The following LRP1B variants were observed in gnomAD, a reference collection of about 807,000 sequenced individuals.
LRP1B encodes low-density lipoprotein receptor-related protein 1B.
LRP1B carries 217 observed loss-of-function variants against 556.6 expected under a neutral mutation model. That is an observed-to-expected ratio of 0.39 (90% confidence interval 0.35 to 0.44). The LOEUF is 0.44. LRP1B is among the 20% of genes least tolerant of loss of function. The pLI, the probability that LRP1B is intolerant of heterozygous loss-of-function variation, is 1.00. For synonymous variants in LRP1B, 2,047 were observed against 1,865.8 expected (o/e 1.10, Z -2.50); for missense variants, 5,053 against 5,620.8 (o/e 0.90, Z 3.23).
At chr2:141,248,217 C>T (rs1440514617) in intron 4 of LRP1B, among the ~76,000 whole-genome samples, 1 of 152,138 alleles carries the variant, frequency 6.6e-6, no homozygotes, top group African/African-American at 2.4e-5. Flanking sequence ...AAAAGGCATC[C>T]TGTCAGTAGT....
chr2:140,665,783 A>T (rs1685245382), intron 41 of LRP1B, among the ~76,000 whole-genome samples: 1 of 152,150 alleles, frequency 6.6e-6, no homozygotes, highest in African/African-American at 2.4e-5. Flanking sequence ...CTAGATTTTC[A>T]TAAAGAGTTG....
chr2:140,654,255 T>C (rs1559034315), intron 41 of LRP1B, among the ~76,000 whole-genome samples: 1 of 152,236 alleles, frequency 6.6e-6, no homozygotes, highest in East Asian at 1.9e-4. Flanking sequence ...TGAATCTGGA[T>C]TACTGTTATA....
intron 17 of LRP1B, 47 bp from the exon 18 acceptor site, chr2:140,982,323 G>T: frequency 8.9e-7 from 1 of 1,129,066 alleles, no homozygotes; most frequent in South Asian, 1.2e-5. Context: ...GAGGCATTTT[G>T]AACATCAAGG....
chr2:141,588,893 A>G (rs946127877), intron 2 of LRP1B, among the ~76,000 whole-genome samples: 3 of 152,192 alleles, frequency 2.0e-5, no homozygotes, highest in Non-Finnish European at 4.4e-5. Context: ...AACAGGGGTC[A>G]AGACAAAAAA....
chr2:140,436,691 T>G (rs1343349834), intron 66 of LRP1B, among the ~76,000 whole-genome samples: 2 of 151,964 alleles, frequency 1.3e-5, no homozygotes, highest in African/African-American at 4.8e-5. Flanking sequence ...AACCAGAAGT[T>G]TTTTTCAGGC....
At chr2:140,610,663 G>A (rs534970571) in intron 41 of LRP1B, among the ~76,000 whole-genome samples, 1 of 152,316 alleles carries the variant, frequency 6.6e-6, no homozygotes, top group East Asian at 1.9e-4. Context: ...TTGGCTCACT[G>A]CAAGCTCCAC....
Position 140,746,155 on chromosome 2 carries a change from A to G in LRP1B, c.5758+23058T>C, listed in dbSNP as rs79462393. On this transcript the variant is annotated intron_variant, in intron 35 of 90. Transcript: ENST00000389484. Reference sequence around the variant, plus strand: ...ATAAATTTCATAAATAAACACCTTAAGGGACCTTCTGGAAAGAATGTTATC... The same window carrying G: ...ATAAATTTCATAAATAAACACCTTAGGGGACCTTCTGGAAAGAATGTTATC... Among the ~76,000 whole-genome samples, 21 of 152,222 alleles carry G rather than the reference A, an allele frequency of 1.4e-4. No homozygotes were observed. In the East Asian group the frequency reaches 3.9e-3, roughly 28 times the overall value.
intron 43 of LRP1B, among the ~76,000 whole-genome samples, chr2:140,587,202 C>A (rs556744364): frequency 4.6e-5 from 7 of 152,004 alleles, no homozygotes; most frequent in African/African-American, 7.2e-5. Context: ...CTGAACGAAG[C>A]TCCAGTGACC....
At position 140,506,800 on chromosome 2, in the gene LRP1B, C is replaced by A. The variant is rs1023597224; in HGVS notation, c.8517G>T (p.Gln2839His). 6.2e-7 allele frequency: 1 copy of A among 1,612,738 alleles called. No individual in the cohort carries two copies. Among genetic ancestry groups the A allele is most frequent in the African/African-American group, 1.3e-5 (1 of 74,832 alleles). The part of the protein sequence containing the change: ...DCGDGSDESP[Q>H]CGYRQCGTEE... ...TGAAGTTTTAGATGTACTTACCACACTGCGGTGACTCATCAGAGCCATCTC... is the reference window on the plus strand; with the variant it reads ...TGAAGTTTTAGATGTACTTACCACAATGCGGTGACTCATCAGAGCCATCTC... Residue 2839 changes from glutamine to histidine, a missense_variant, in exon 53 of 91, where the codon CAG becomes CAT. By Grantham distance (24) the Gln-to-His change is conservative. Transcript: ENST00000389484.
chr2:141,336,315 C>T (rs1189693766), intron 3 of LRP1B, among the ~76,000 whole-genome samples: 1 of 152,054 alleles, frequency 6.6e-6, no homozygotes, highest in Non-Finnish European at 1.5e-5. Flanking sequence ...ATAACTTTTA[C>T]TATTGTCCTG....
chr2:141,394,455 T>G (rs1232008828), intron 3 of LRP1B, among the ~76,000 whole-genome samples: 2 of 152,116 alleles, frequency 1.3e-5, no homozygotes, highest in Non-Finnish European at 2.9e-5. Context: ...TTTTATCATT[T>G]CAACTGTTGA....
Position 141,773,164 on chromosome 2 carries a change from A to G in LRP1B, c.205+37115T>C, listed in dbSNP as rs1039855896. On this transcript the variant is annotated intron_variant, in intron 2 of 90. Coordinates refer to ENST00000389484, the MANE Select transcript of LRP1B (RefSeq NM_018557.3). Reference sequence around the variant, plus strand: ...AGATGACTTCTTCTTCTATGTGTTTAACTGTCCTTCATATTATGACATTAT... The same window carrying G: ...AGATGACTTCTTCTTCTATGTGTTTGACTGTCCTTCATATTATGACATTAT... 2.6e-5 allele frequency among the ~76,000 whole-genome samples: 4 copies of G among 152,306 alleles called. No individual in the cohort carries two copies. The East Asian group carries it at 5.8e-4, about 22-fold the overall frequency.
chr2:141,205,890 T>G (rs1682254951), intron 6 of LRP1B, among the ~76,000 whole-genome samples: 1 of 152,200 alleles, frequency 6.6e-6, no homozygotes, highest in Non-Finnish European at 1.5e-5. Flanking sequence ...AATTCAATGA[T>G]GCCATCTTTC....
intron 1 of LRP1B, among the ~76,000 whole-genome samples, chr2:141,949,457 C>T (rs1701048238): frequency 6.6e-6 from 1 of 152,146 alleles, no homozygotes. Flanking sequence ...GTGGCATGAT[C>T]TCAGCTCACT....
At chr2:141,338,055 C>T (rs970868204) in intron 3 of LRP1B, among the ~76,000 whole-genome samples, 3 of 152,138 alleles carry the variant, frequency 2.0e-5, no homozygotes, top group African/African-American at 2.4e-5. Flanking sequence ...CGTTCCAATT[C>T]GCCTTCTGTT....
intron 35 of LRP1B, among the ~76,000 whole-genome samples, chr2:140,729,791 T>C (rs769506594): frequency 1.3e-5 from 2 of 152,180 alleles, no homozygotes; most frequent in African/African-American, 2.4e-5. Flanking sequence ...AGCTTCATAT[T>C]CTCTTCATAG....
intron 3 of LRP1B, among the ~76,000 whole-genome samples, chr2:141,420,409 G>A (rs1157028592): frequency 6.6e-6 from 1 of 152,180 alleles, no homozygotes; most frequent in African/African-American, 2.4e-5. Flanking sequence ...AGAGATTCTG[G>A]AAGCCTCTGA....
intron 3 of LRP1B, among the ~76,000 whole-genome samples, chr2:141,311,001 G>T (rs1034126806): frequency 6.6e-6 from 1 of 152,068 alleles, no homozygotes; most frequent in Admixed American, 6.6e-5. Flanking sequence ...TCCTTTTTCT[G>T]ATTCACAGCC....
intron 2 of LRP1B, among the ~76,000 whole-genome samples, chr2:141,708,908 T>C (rs1052481294): frequency 6.6e-6 from 1 of 152,154 alleles, no homozygotes; most frequent in Non-Finnish European, 1.5e-5. Context: ...AACCTGCTAA[T>C]ACCTTGATCT....
Sources: allele counts gnomAD v4.1 joint callset (sites outside exome capture counted in the v4.1 genomes callset), GRCh38; gene constraint gnomAD v4.1.1; transcripts MANE v1.5; gene names NCBI Gene and HGNC (gene_info 2026-07-23, HGNC 2026-07-21).